Variants in DTNBP1 observed in about 807,000 individuals in gnomAD.
DTNBP1 encodes the protein dystrobrevin binding protein 1, also known as dysbindin.
In DTNBP1, 35 loss-of-function variants were observed where a neutral mutation model predicts 42.8. That is an observed-to-expected ratio of 0.82 (90% CI 0.63 to 1.09). The LOEUF (loss-of-function observed/expected upper bound fraction) is 1.09. Among genes scored for constraint, DTNBP1 ranks in the 50% least tolerant of loss-of-function variants. DTNBP1 has a pLI of 0.00. For synonymous variants in DTNBP1, 171 were observed against 162.2 expected (o/e 1.05, Z -0.41); for missense variants, 457 against 424.2 (o/e 1.08, Z -0.68).
At chr6:15,557,287 G>A (rs1279627396) in intron 7 of DTNBP1, among the ~76,000 whole-genome samples, 7 of 150,604 alleles carry the variant, frequency 4.6e-5, no homozygotes, top group Admixed American at 2.6e-4. Context: ...AAGGTTAAAG[G>A]ATTGTTTTAA....
At chr6:15,632,445 TTTCTACCC>T (rs1759746315) in intron 4 of DTNBP1, among the ~76,000 whole-genome samples, 1 of 152,110 alleles carries the variant, frequency 6.6e-6, no homozygotes, top group Non-Finnish European at 1.5e-5. Flanking sequence ...TATACTAGAG[TTTCTACCC>T]AGTATAAGAA....
chr6:15,565,389 C>T (rs925485500), intron 7 of DTNBP1, among the ~76,000 whole-genome samples: 28 of 152,126 alleles, frequency 1.8e-4, no homozygotes, highest in African/African-American at 6.8e-4. Context: ...GGAATGTTTA[C>T]AGTAGTACTT....
chr6:15,567,766 G>A (rs1412205403), intron 7 of DTNBP1, among the ~76,000 whole-genome samples: 1 of 152,008 alleles, frequency 6.6e-6, no homozygotes, highest in Admixed American at 6.5e-5. Context: ...TTCAGGCCAC[G>A]GTCACTCATA....
intron 9 of DTNBP1, chr6:15,523,759 T>C (rs1366688418): frequency 2.2e-5 from 28 of 1,287,144 alleles, no homozygotes; most frequent in Non-Finnish European, 2.8e-5. Context: ...TCCAGTATTC[T>C]GGCCTTCTCA....
chr6:15,627,441 T>A lies in DTNBP1; in HGVS notation c.257A>T (p.His86Leu), dbSNP rs1382001981. The change falls in exon 5 of 10, where the codon CAC becomes CTC. Residue 86 changes from histidine to leucine, a missense_variant. Coordinates refer to ENST00000344537, the MANE Select transcript of DTNBP1 (RefSeq NM_032122.5). Reference protein sequence around the residue: ...VDSEVVMLSAHWEKKKTSLVE... With the variant: ...VDSEVVMLSALWEKKKTSLVE... ...GAGGCTTGTCTTTTTCTTCTCCCAG[T>A]GCGCAGAAAGCATGACCACCTCGCT... 2 of 1,613,826 alleles carry A rather than the reference T, an allele frequency of 1.2e-6. No individual in the cohort carries two copies. Among genetic ancestry groups the A allele is most frequent in the African/African-American group, 1.3e-5 (1 of 74,892 alleles).
chr6:15,585,337 C>T (rs1445694919), intron 7 of DTNBP1, among the ~76,000 whole-genome samples: 2 of 150,974 alleles, frequency 1.3e-5, no homozygotes, highest in African/African-American at 4.9e-5. Context: ...ATTCAAATAG[C>T]TAGTATTATT....
intron 7 of DTNBP1, among the ~76,000 whole-genome samples, chr6:15,567,741 C>A (rs1775159583): frequency 6.6e-6 from 1 of 152,118 alleles, no homozygotes. Flanking sequence ...TCCTCAGGAC[C>A]TTTTGAGACT....
At chr6:15,548,655 GT>G (rs1327228022) in intron 7 of DTNBP1, among the ~76,000 whole-genome samples, 54 of 152,090 alleles carry the variant, frequency 3.6e-4, no homozygotes, top group African/African-American at 1.0e-3. Context: ...CATTTCTATG[GT>G]TATAGTGATT....
chr6:15,592,653 A>C (rs1776346880), intron 7 of DTNBP1, among the ~76,000 whole-genome samples: 1 of 152,216 alleles, frequency 6.6e-6, no homozygotes, highest in African/African-American at 2.4e-5. Context: ...ACAGCAGCAG[A>C]GCAGGGCCCA....
chr6:15,548,867 GGTTTT>G (rs1459980824), intron 7 of DTNBP1, among the ~76,000 whole-genome samples: 2 of 152,126 alleles, frequency 1.3e-5, no homozygotes, highest in East Asian at 3.9e-4. Flanking sequence ...CTATGGTTTG[GGTTTT>G]GTTATTTGTT....
At chr6:15,529,764 T>C (rs952805850) in intron 8 of DTNBP1, among the ~76,000 whole-genome samples, 21 of 152,246 alleles carry the variant, frequency 1.4e-4, no homozygotes, top group African/African-American at 5.1e-4. Context: ...AGCAATAAAA[T>C]CAAAGCAATA....
rs767214068 is a variant in DTNBP1, at chr6:15,604,187, CTCATT to C, written c.488+11075_488+11079del. Among the ~76,000 whole-genome samples, 3 of 152,228 alleles carry C rather than the reference CTCATT, an allele frequency of 2.0e-5. No individual in the cohort carries two copies. In the South Asian group the frequency reaches 6.2e-4, roughly 32 times the overall value. On this transcript the variant is annotated intron_variant, in intron 6 of 9. Transcript: ENST00000344537. ...AAATCCAGTGTCTTAAAAACATTCT[CTCATT>C]TATTTCACCTGGTTTTTCATTGTTT... is the stretch of plus-strand genomic sequence containing the variant.
chr6:15,648,507 T>G (rs552477038), intron 3 of DTNBP1, among the ~76,000 whole-genome samples: 7 of 152,132 alleles, frequency 4.6e-5, no homozygotes, highest in South Asian at 4.2e-4. Context: ...ACCCTGAAAG[T>G]TCCACACAAA....
At chr6:15,649,540 G>C (rs916630126) in intron 3 of DTNBP1, among the ~76,000 whole-genome samples, 2 of 152,188 alleles carry the variant, frequency 1.3e-5, no homozygotes, top group African/African-American at 4.8e-5. Context: ...AACAGGTACA[G>C]AGTTTCCATT....
chr6:15,545,845 C>T (rs1773839363), intron 7 of DTNBP1, among the ~76,000 whole-genome samples: 1 of 152,100 alleles, frequency 6.6e-6, no homozygotes, highest in Non-Finnish European at 1.5e-5. Flanking sequence ...GTGTATGAGG[C>T]TTGTTAGAAA....
At chr6:15,533,519 G>A in intron 7 of DTNBP1, 124 bp from the exon 8 acceptor site, 1 of 1,499,938 alleles carries the variant, frequency 6.7e-7, no homozygotes, top group Non-Finnish European at 9.2e-7. Context: ...AGACTGGGCT[G>A]GTGCCCCGAC....
At chr6:15,638,800 C>G (rs1239973093) in intron 3 of DTNBP1, among the ~76,000 whole-genome samples, 1 of 151,532 alleles carries the variant, frequency 6.6e-6, no homozygotes, top group African/African-American at 2.4e-5. Context: ...ATAGAAAAAT[C>G]CAAATTCATA....
intron 7 of DTNBP1, among the ~76,000 whole-genome samples, chr6:15,566,433 G>T (rs188695578): frequency 2.6e-5 from 4 of 152,228 alleles, no homozygotes; most frequent in Admixed American, 2.6e-4. Flanking sequence ...TGGGAAGAGG[G>T]GGTCAGGCAT....
chr6:15,572,597 G>T (rs1388592343), intron 7 of DTNBP1, among the ~76,000 whole-genome samples: 2 of 152,212 alleles, frequency 1.3e-5, no homozygotes, highest in African/African-American at 2.4e-5. Context: ...TATCAATGCA[G>T]TCTTTAAAGC....
Sources: gnomAD v4.1 joint callset for allele counts (sites outside exome capture counted in the v4.1 genomes callset) on GRCh38, gnomAD v4.1.1 for gene constraint, MANE v1.5 for transcripts, NCBI Gene and HGNC (gene_info 2026-07-23, HGNC 2026-07-21) for gene names.